The following IRGM variants were observed in gnomAD, a reference collection of about 807,000 sequenced individuals.
IRGM encodes immunity-related GTPase family M protein.
For missense variants in IRGM, 288 were observed against 219.9 expected, an observed-to-expected ratio of 1.31 and a Z score of -1.96; for synonymous variants, 98 against 80.6, an observed-to-expected ratio of 1.22 and a Z score of -1.16.
chr5:150,884,866 A>G (rs191426713), intron 3 of IRGM, among the ~76,000 whole-genome samples: 17 of 152,042 alleles, frequency 1.1e-4, no homozygotes, highest in Middle Eastern at 6.8e-3. Context: ...CCTGTAGGTT[A>G]TCTATTTACT....
intron 1 of IRGM, among the ~76,000 whole-genome samples, chr5:150,864,723 C>T (rs1194526029): frequency 1.3e-5 from 2 of 152,242 alleles, no homozygotes; most frequent in Non-Finnish European, 2.9e-5. Flanking sequence ...TCTGTCCAAA[C>T]TCCTATTCTG....
intron 3 of IRGM, chr5:150,895,963 T>C: frequency 6.2e-7 from 1 of 1,613,242 alleles, no homozygotes; most frequent in Non-Finnish European, 8.5e-7. Context: ...CTTTTATGTA[T>C]AATGAGGTGG....
chr5:150,873,492 G>C (rs890309501), intron 1 of IRGM, among the ~76,000 whole-genome samples: 1 of 152,180 alleles, frequency 6.6e-6, no homozygotes, highest in Non-Finnish European at 1.5e-5. Context: ...TGGGGAAAGG[G>C]AAATGATCAG....
chr5:150,893,497 A>G (rs1181993493), intron 3 of IRGM, among the ~76,000 whole-genome samples: 2 of 152,188 alleles, frequency 1.3e-5, no homozygotes, highest in African/African-American at 4.8e-5. Flanking sequence ...ACTACTGTGA[A>G]AAACTGATGT....
At chr5:150,879,442 C>T (rs1382725216) in intron 2 of IRGM, 4 of 152,100 alleles carry the variant, frequency 2.6e-5, no homozygotes, top group Admixed American at 6.5e-5. Context: ...CATCATTAAC[C>T]TCTTTGAATG....
At chr5:150,864,638 A>C (rs546043639) in intron 1 of IRGM, among the ~76,000 whole-genome samples, 1 of 152,350 alleles carries the variant, frequency 6.6e-6, no homozygotes, top group African/African-American at 2.4e-5. Context: ...CAAATGGCAG[A>C]CAATGAGCCA....
At chr5:150,883,448 G>C (rs1446055858) in intron 3 of IRGM, among the ~76,000 whole-genome samples, 2 of 148,882 alleles carry the variant, frequency 1.3e-5, no homozygotes, top group Non-Finnish European at 1.5e-5. Context: ...ACAATAGAAA[G>C]ATCAAATAAA....
intron 1 of IRGM, among the ~76,000 whole-genome samples, chr5:150,869,937 CTG>C (rs1196016818): frequency 6.6e-6 from 1 of 152,064 alleles, no homozygotes; most frequent in Non-Finnish European, 1.5e-5. Flanking sequence ...CAAATTCCCC[CTG>C]TGTATTATAC....
intron 1 of IRGM, chr5:150,877,927 G>A (rs1754387536): frequency 4.6e-6 from 2 of 434,794 alleles, no homozygotes; most frequent in African/African-American, 2.1e-5. Flanking sequence ...TTTTTTGTTT[G>A]CATGTTTAAA....
At chr5:150,858,106 G>A (rs912143266) in intron 1 of IRGM, among the ~76,000 whole-genome samples, 1 of 152,086 alleles carries the variant, frequency 6.6e-6, no homozygotes, top group South Asian at 2.1e-4. Context: ...TTTTGTATAA[G>A]GTGTAAGGAA....
At chr5:150,848,915 A>G (rs1246600458), downstream of IRGM, among the ~76,000 whole-genome samples, 1 of 152,172 alleles carries the variant, frequency 6.6e-6, no homozygotes, top group Non-Finnish European at 1.5e-5. Context: ...AAAAATGATC[A>G]GTGTCTTAAA....
At chr5:150,898,472 T>TA in intron 3 of IRGM, 1 of 1,613,378 alleles carries the variant, frequency 6.2e-7, no homozygotes, top group South Asian at 1.1e-5. Flanking sequence ...CACATCCCTG[T>TA]ACAGGGTCCT....
intron 3 of IRGM, among the ~76,000 whole-genome samples, chr5:150,890,794 T>C (rs1051374721): frequency 6.6e-6 from 1 of 152,076 alleles, no homozygotes; most frequent in Non-Finnish European, 1.5e-5. Flanking sequence ...ATTTCTAATG[T>C]AATTGATTTC....
chr5:150,856,737 T>A (rs1754057447), intron 1 of IRGM, among the ~76,000 whole-genome samples: 1 of 151,646 alleles, frequency 6.6e-6, no homozygotes, highest in African/African-American at 2.4e-5. Context: ...CCCAAAGTGC[T>A]AGGATTACAG....
At chr5:150,890,700 T>C (rs1754596220) in intron 3 of IRGM, among the ~76,000 whole-genome samples, 2 of 152,092 alleles carry the variant, frequency 1.3e-5, no homozygotes, top group Admixed American at 1.3e-4. Flanking sequence ...TCCTTTTTGA[T>C]TCATTCTTTG....
chr5:150,895,275 T>C, intron 3 of IRGM: 1 of 545,084 alleles, frequency 1.8e-6, no homozygotes, highest in African/African-American at 1.9e-5. Context: ...TCATCTTTGC[T>C]GGAAAAGTTA....
At chr5:150,865,801 G>C (rs887636389) in intron 1 of IRGM, among the ~76,000 whole-genome samples, 1 of 152,050 alleles carries the variant, frequency 6.6e-6, no homozygotes, top group African/African-American at 2.4e-5. Context: ...CTGTTGCCCA[G>C]GCTGGAGTGC....
intron 1 of IRGM, among the ~76,000 whole-genome samples, chr5:150,861,939 T>C (rs932363232): frequency 2.0e-5 from 3 of 152,232 alleles, no homozygotes; most frequent in Admixed American, 2.0e-4. Context: ...AGAGACTTAA[T>C]AAAATACATG....
intron 1 of IRGM, among the ~76,000 whole-genome samples, chr5:150,867,486 G>T (rs776969223): frequency 6.6e-6 from 1 of 151,964 alleles, no homozygotes; most frequent in African/African-American, 2.4e-5. Flanking sequence ...TTTCCACTGG[G>T]GACATATTCA....
Sources: gnomAD v4.1 joint callset for allele counts (sites outside exome capture counted in the v4.1 genomes callset) on GRCh38, gnomAD v4.1.1 for gene constraint, MANE v1.5 for transcripts, NCBI Gene and HGNC (gene_info 2026-07-23, HGNC 2026-07-21) for gene names.